Variants in ILRUN observed in about 807,000 individuals in gnomAD.
The protein encoded by ILRUN is inflammation and lipid regulator with UBA-like and NBR1-like domains.
A neutral mutation model predicts 33.8 loss-of-function variants in ILRUN; 3 were observed. The ratio of observed to expected loss-of-function variants is 0.09; its 90% confidence interval spans 0.04 to 0.23. ILRUN has a LOEUF of 0.23. Among genes scored for constraint, ILRUN ranks in the 10% least tolerant of loss-of-function variants. ILRUN has a pLI of 1.00. For missense variants in ILRUN, 210 were observed against 375.1 expected (o/e 0.56, Z 3.64); for synonymous variants, 124 against 138.9 (o/e 0.89, Z 0.75).
Position 34,592,459 on chromosome 6 carries a change from C to T in ILRUN, c.862-1859G>A, listed in dbSNP as rs977440633. Among the ~76,000 whole-genome samples the T allele has an allele frequency of 6.6e-6, 1 of 152,270 alleles. No individual in the cohort carries two copies. On this transcript the variant is annotated intron_variant, in intron 4 of 4. Transcript: ENST00000374023. This position sits in a 1 kb window ranked among gnomAD's most constrained non-coding sequence, Gnocchi z 4.0. ...CAGCCACAGCATCCACCCACTCAAG[C>T]AAGTGTGCACTGGGGCAGCAAAGGG...
rs532341188 is a variant in ILRUN, at chr6:34,615,888, C to T, written c.512-8984G>A. Among the ~76,000 whole-genome samples the T allele has an allele frequency of 1.8e-4, 28 of 152,266 alleles. 1 individual carries two copies. In the South Asian group the frequency reaches 2.9e-3, roughly 16 times the overall value. ...AGGGTTACATCAATGACTGTACAACCGAACCACCATCATCTTGATGTGGAT... is the reference window on the plus strand; with the variant it reads ...AGGGTTACATCAATGACTGTACAACTGAACCACCATCATCTTGATGTGGAT... On this transcript the variant is annotated intron_variant, in intron 3 of 4. Transcript: ENST00000374023.
rs1761321989 is a variant in ILRUN at position 34,592,768 on chromosome 6, A to C, written c.862-2168T>G. ...CCCTGACTCAGCAGTTCCCAACAACAATCATTCATCTAGAACTACCCAAGG... is the reference window on the plus strand; with the variant it reads ...CCCTGACTCAGCAGTTCCCAACAACCATCATTCATCTAGAACTACCCAAGG... On this transcript the variant is annotated intron_variant, in intron 4 of 4. Transcript: ENST00000374023. This position sits in a 1 kb window ranked among gnomAD's most constrained non-coding sequence, Gnocchi z 4.0. Among the ~76,000 whole-genome samples the C allele has an allele frequency of 6.6e-6, 1 of 152,166 alleles. No individual in the cohort carries two copies. Among genetic ancestry groups the C allele is most frequent in the Non-Finnish European group, 1.5e-5 (1 of 68,036 alleles).
At chr6:34,613,735 A>G (rs966977773) in intron 3 of ILRUN, among the ~76,000 whole-genome samples, 2 of 152,260 alleles carry the variant, frequency 1.3e-5, no homozygotes, top group African/African-American at 4.8e-5. Flanking sequence ...GAAATACGGA[A>G]TCAGTTGTAG....
chr6:34,649,537 TAAAG>T (rs1316565697), intron 2 of ILRUN, among the ~76,000 whole-genome samples: 5 of 151,984 alleles, frequency 3.3e-5, no homozygotes, highest in African/African-American at 1.2e-4. Context: ...TTTTTTAAAA[TAAAG>T]TAAAAACAAA....
At chr6:34,650,407 TTTTA>T (rs56072656) in intron 2 of ILRUN, among the ~76,000 whole-genome samples, 36,507 of 141,102 alleles carry the variant, frequency 0.26, 5,305 homozygotes, top group Non-Finnish European at 0.34. Context: ...ATTTATTTAT[TTTTA>T]TTTATTTATT....
intron 1 of ILRUN, among the ~76,000 whole-genome samples, chr6:34,692,941 G>C (rs781154924): frequency 1.3e-5 from 2 of 152,132 alleles, no homozygotes; most frequent in Non-Finnish European, 2.9e-5. Flanking sequence ...AGCCAGTCAT[G>C]GTGGCACGCA....
chr6:34,659,702 A>AC (rs1212158957), intron 1 of ILRUN, among the ~76,000 whole-genome samples: 1 of 143,896 alleles, frequency 6.9e-6, no homozygotes, highest in Admixed American at 7.3e-5. Context: ...GCTCACTGCA[A>AC]CCTCCACCTC....
At chr6:34,614,439 A>ATATATATATATATATATATATAT (rs1478401653) in intron 3 of ILRUN, among the ~76,000 whole-genome samples, 1 of 122,540 alleles carries the variant, frequency 8.2e-6, no homozygotes, top group African/African-American at 3.8e-5. Context: ...AATAAAAAAA[A>ATATATATATATATATATATATAT]AAAAATATAT....
intron 1 of ILRUN, among the ~76,000 whole-genome samples, chr6:34,673,998 A>C (rs1763174586): frequency 6.6e-6 from 1 of 152,084 alleles, no homozygotes; most frequent in Non-Finnish European, 1.5e-5. Context: ...GGGGTGAGTG[A>C]AACAAACAAT....
At chr6:34,681,349 G>A (rs1562031347) in intron 1 of ILRUN, among the ~76,000 whole-genome samples, 1 of 152,000 alleles carries the variant, frequency 6.6e-6, no homozygotes, top group Non-Finnish European at 1.5e-5. Flanking sequence ...GGAATAAACT[G>A]CCCCCCCTCC....
intron 4 of ILRUN, among the ~76,000 whole-genome samples, chr6:34,594,877 T>C (rs1761369419): frequency 6.6e-6 from 1 of 151,944 alleles, no homozygotes. Context: ...TTCCTAAAAT[T>C]AAAAAAAAAT....
intron 3 of ILRUN, among the ~76,000 whole-genome samples, chr6:34,608,541 C>T (rs1014737875): frequency 6.6e-6 from 1 of 152,122 alleles, no homozygotes; most frequent in Admixed American, 6.6e-5. Flanking sequence ...GTGGACATTA[C>T]TAAATACTAT....
chr6:34,661,648 T>C (rs1762888401), intron 1 of ILRUN, among the ~76,000 whole-genome samples: 1 of 152,236 alleles, frequency 6.6e-6, no homozygotes, highest in African/African-American at 2.4e-5. Flanking sequence ...TAGTTGTTCC[T>C]GAAGCACAAA....
intron 3 of ILRUN, among the ~76,000 whole-genome samples, chr6:34,642,143 C>T (rs367909218): frequency 2.8e-4 from 42 of 152,188 alleles, no homozygotes; most frequent in African/African-American, 1.0e-3. Context: ...GATAATGCCC[C>T]AAAGAAATCA....
intron 1 of ILRUN, among the ~76,000 whole-genome samples, chr6:34,675,990 T>C (rs929266305): frequency 6.6e-6 from 1 of 152,168 alleles, no homozygotes; most frequent in Non-Finnish European, 1.5e-5. Context: ...ATCAACAAAG[T>C]AGTGGTTAAA....
At chr6:34,696,359 G>A in intron 1 of ILRUN, 87 bp downstream of exon 1, 1 of 1,394,996 alleles carries the variant, frequency 7.2e-7, no homozygotes. Context: ...CGCCTGGCTC[G>A]CCCTGCCGCC....
chr6:34,650,045 C>T (rs1762629233), intron 2 of ILRUN, among the ~76,000 whole-genome samples: 1 of 152,004 alleles, frequency 6.6e-6, no homozygotes, highest in African/African-American at 2.4e-5. Context: ...CCCAAGATAC[C>T]CTCTCATATG....
intron 1 of ILRUN, among the ~76,000 whole-genome samples, chr6:34,678,075 C>T (rs1331952638): frequency 6.6e-6 from 1 of 151,920 alleles, no homozygotes; most frequent in South Asian, 2.1e-4. Flanking sequence ...TGGAGTCTTG[C>T]TTTGTCACCC....
chr6:34,621,895 C>G (rs1426628396), intron 3 of ILRUN, among the ~76,000 whole-genome samples: 1 of 151,744 alleles, frequency 6.6e-6, no homozygotes, highest in African/African-American at 2.4e-5. Flanking sequence ...GGCAGAAAGA[C>G]AGACATATTA....
Sources: gnomAD v4.1 joint callset for allele counts (sites outside exome capture counted in the v4.1 genomes callset) on GRCh38, gnomAD v4.1.1 for gene constraint, Gnocchi (gnomAD v3.1) non-coding constraint, MANE v1.5 for transcripts, NCBI Gene and HGNC (gene_info 2026-07-23, HGNC 2026-07-21) for gene names.